Variants in RBMS3 observed in about 807,000 individuals in gnomAD.
The protein encoded by RBMS3 is RNA-binding motif, single-stranded-interacting protein 3.
Under a neutral mutation model 66.8 loss-of-function variants are expected in RBMS3, and 27 were observed. The observed-to-expected ratio is 0.40, with a 90% CI of 0.30 to 0.56. The LOEUF (loss-of-function observed/expected upper bound fraction) is 0.56, where lower values mean the gene tolerates loss of function less well. Ranked by LOEUF, RBMS3 falls within the 20% of genes least tolerant of loss-of-function variation. The probability of loss-of-function intolerance (pLI) is 0.40; values close to 1 mark genes in which losing one functional copy is unlikely to be tolerated. For synonymous variants in RBMS3, 188 were observed against 183.0 expected (o/e 1.03, Z -0.22); for missense variants, 513 against 549.5 (o/e 0.93, Z 0.66).
At chr3:29,820,798 T>C (rs2058059122) in intron 6 of RBMS3, among the ~76,000 whole-genome samples, 1 of 152,166 alleles carries the variant, frequency 6.6e-6, no homozygotes, top group Non-Finnish European at 1.5e-5. Context: ...TAATTCTCCC[T>C]GGGCATGGTA....
chr3:29,750,869 AC>A (rs886611852), intron 5 of RBMS3, among the ~76,000 whole-genome samples: 28 of 152,324 alleles, frequency 1.8e-4, no homozygotes, highest in African/African-American at 6.3e-4. Flanking sequence ...CCAGGTTAGT[AC>A]AAATTAAAAG....
intron 3 of RBMS3, among the ~76,000 whole-genome samples, chr3:29,566,176 A>G (rs1283571102): frequency 6.6e-6 from 1 of 152,186 alleles, no homozygotes; most frequent in Non-Finnish European, 1.5e-5. Context: ...TGATCTTGGC[A>G]CTTACAGCCT....
intron 12 of RBMS3, among the ~76,000 whole-genome samples, chr3:29,966,869 T>C (rs995424112): frequency 2.6e-5 from 4 of 152,168 alleles, no homozygotes; most frequent in African/African-American, 9.7e-5. Flanking sequence ...ATGTCCCTTG[T>C]ATGCCAATTT....
In RBMS3 at chr3:29,847,659, A is replaced by T. The variant is rs7609824; in HGVS notation, c.638-21199A>T. Reference sequence around the variant, plus strand: ...TTTTGTGTTTTATTTTTTTTTTTTTATTTTTTATTTTTTTGAGACGGAGTC... The same window carrying T: ...TTTTGTGTTTTATTTTTTTTTTTTTTTTTTTTATTTTTTTGAGACGGAGTC... On this transcript the variant is annotated intron_variant, in intron 6 of 14. Coordinates refer to ENST00000383767, the MANE Select transcript of RBMS3 (RefSeq NM_001003793.3). Among the ~76,000 whole-genome samples the T allele has an allele frequency of 3.7e-3, 542 of 145,780 alleles. 3 individuals carry two copies. Among genetic ancestry groups the T allele is most frequent in the African/African-American group, 0.01 (405 of 39,700 alleles).
chr3:29,930,113 T>TTTC (rs1332413923), intron 10 of RBMS3, among the ~76,000 whole-genome samples: 5 of 28,372 alleles, frequency 1.8e-4, no homozygotes, highest in Non-Finnish European at 4.2e-4. Flanking sequence ...TTCTTTCTTT[T>TTTC]TTTTTTTTTT....
intron 4 of RBMS3, among the ~76,000 whole-genome samples, chr3:29,658,895 T>C (rs906056755): frequency 6.6e-6 from 1 of 152,242 alleles, no homozygotes; most frequent in African/African-American, 2.4e-5. Flanking sequence ...CGATCTCGGC[T>C]CACTGCAACC....
chr3:29,705,863 C>A (rs2052864633), intron 4 of RBMS3, among the ~76,000 whole-genome samples: 1 of 152,186 alleles, frequency 6.6e-6, no homozygotes, highest in Non-Finnish European at 1.5e-5. Flanking sequence ...GTTGATGTCA[C>A]TATTCACGTA....
intron 4 of RBMS3, among the ~76,000 whole-genome samples, chr3:29,593,344 T>G (rs1195734176): frequency 6.6e-6 from 1 of 152,152 alleles, no homozygotes; most frequent in Non-Finnish European, 1.5e-5. Context: ...GTTTTTATCA[T>G]TCCTAGGTAA....
At chr3:29,833,952 A>G (rs1173670777) in intron 6 of RBMS3, among the ~76,000 whole-genome samples, 2 of 152,128 alleles carry the variant, frequency 1.3e-5, no homozygotes, top group Non-Finnish European at 2.9e-5. Context: ...TGCTTATCAC[A>G]TATAAGAGAA....
chr3:29,341,509 C>CT (rs1205564642), intron 1 of RBMS3, among the ~76,000 whole-genome samples: 6 of 151,984 alleles, frequency 3.9e-5, no homozygotes, highest in African/African-American at 1.4e-4. Flanking sequence ...TGTATTTCTA[C>CT]TTTTTTATAT....
At chr3:29,661,082 G>C (rs35638377) in intron 4 of RBMS3, among the ~76,000 whole-genome samples, 3,182 of 152,288 alleles carry the variant, frequency 0.021, 87 homozygotes, top group Admixed American at 0.065. Flanking sequence ...CCTGCCACGA[G>C]GATTGGGGTG....
At chr3:30,000,230 G>A (rs947064534) in intron 14 of RBMS3, among the ~76,000 whole-genome samples, 27 of 151,966 alleles carry the variant, frequency 1.8e-4, no homozygotes, top group African/African-American at 6.5e-4. Flanking sequence ...AGTAAACAAA[G>A]GATATGAACA....
intron 1 of RBMS3, among the ~76,000 whole-genome samples, chr3:29,321,104 G>A (rs767954373): frequency 2.0e-4 from 30 of 152,160 alleles, no homozygotes; most frequent in Non-Finnish European, 3.2e-4. Context: ...CCTTAAGATA[G>A]AATCTCATAG....
intron 7 of RBMS3, among the ~76,000 whole-genome samples, chr3:29,875,267 A>G (rs1386040503): frequency 6.6e-6 from 1 of 152,176 alleles, no homozygotes; most frequent in Non-Finnish European, 1.5e-5. Flanking sequence ...ACATCAAACT[A>G]TAACTGGAAC....
chr3:29,766,792 A>C (rs2055947025), intron 6 of RBMS3: 1 of 151,974 alleles, frequency 6.6e-6, no homozygotes. Context: ...AAGTTAACAA[A>C]GATCAGTCAC....
At chr3:29,397,500 T>A (rs1467391699) in intron 1 of RBMS3, among the ~76,000 whole-genome samples, 1 of 152,146 alleles carries the variant, frequency 6.6e-6, no homozygotes, top group Admixed American at 6.5e-5. Flanking sequence ...TTTACCATTG[T>A]ACTCAGCATG....
At chr3:29,568,557 A>G (rs749514749) in intron 3 of RBMS3, among the ~76,000 whole-genome samples, 2 of 152,232 alleles carry the variant, frequency 1.3e-5, no homozygotes, top group African/African-American at 2.4e-5. Context: ...AATTTATTCA[A>G]TGCCCAGAAC....
intron 4 of RBMS3, among the ~76,000 whole-genome samples, chr3:29,674,135 A>G (rs1353149962): frequency 1.3e-5 from 2 of 152,206 alleles, no homozygotes; most frequent in Admixed American, 6.5e-5. Flanking sequence ...TCATATAAAC[A>G]GAACCAAAGA....
chr3:29,444,997 T>C (rs1309706643), intron 2 of RBMS3, among the ~76,000 whole-genome samples: 2 of 151,646 alleles, frequency 1.3e-5, no homozygotes. Flanking sequence ...TACCAATCTG[T>C]ACTGTATCCT....
Sources: gnomAD v4.1 joint callset for allele counts (sites outside exome capture counted in the v4.1 genomes callset) on GRCh38, gnomAD v4.1.1 for gene constraint, MANE v1.5 for transcripts, NCBI Gene and HGNC (gene_info 2026-07-23, HGNC 2026-07-21) for gene names.